ARID1A: variants seen among roughly 807,000 people sequenced by gnomAD.
The protein encoded by ARID1A is AT-rich interactive domain-containing protein 1A.
A neutral mutation model predicts 212.6 loss-of-function variants in ARID1A; 20 were observed. The ratio of observed to expected loss-of-function variants is 0.09; its 90% CI spans 0.07 to 0.14. ARID1A has a LOEUF of 0.14. Ranked by LOEUF, ARID1A falls within the 10% of genes least tolerant of loss-of-function variation. ARID1A has a pLI of 1.00. For synonymous variants in ARID1A, 1,376 were observed against 1,222.1 expected (o/e 1.13, Z -2.63); for missense variants, 2,587 against 3,059.0 (o/e 0.85, Z 3.64).
Position 26,779,586 on chromosome 1 carries a change from G to C in ARID1A, c.5688G>C (p.Gly1896=), listed in dbSNP as rs1557620306. Residue 1896 remains glycine, a synonymous_variant, in exon 20 of 20, where the codon GGG becomes GGC. Coordinates refer to ENST00000324856, the MANE Select transcript of ARID1A (RefSeq NM_006015.6). The part of the protein sequence containing the change: ...EGTPGTTDQE[G]PPPDGPPEKR... ...CACCAGGGACAACAGACCAGGAGGGGCCCCCACCTGATGGACCTCCAGAAA... is the reference window on the plus strand; with the variant it reads ...CACCAGGGACAACAGACCAGGAGGGCCCCCCACCTGATGGACCTCCAGAAA... 1.2e-6 allele frequency: 2 copies of C among 1,614,040 alleles called. No individual in the cohort carries two copies. The highest frequency in any genetic ancestry group is 8.5e-7 in the Non-Finnish European group (1 of 1,180,008).
intron 4 of ARID1A, among the ~76,000 whole-genome samples, chr1:26,735,173 T>C (rs1331987951): frequency 6.6e-6 from 1 of 151,602 alleles, no homozygotes; most frequent in African/African-American, 2.4e-5. Context: ...TTGCCCAGGC[T>C]GGAGTGCAAT....
chr1:26,748,925 G>A (rs899533651), intron 4 of ARID1A, among the ~76,000 whole-genome samples: 9 of 152,040 alleles, frequency 5.9e-5, no homozygotes, highest in African/African-American at 2.2e-4. Flanking sequence ...AGCACTTTGG[G>A]AGGCCGAGGC....
intron 8 of ARID1A, 90 bp downstream of exon 8, chr1:26,763,375 G>A (rs1027022543): frequency 7.2e-7 from 1 of 1,389,052 alleles, no homozygotes; most frequent in Non-Finnish European, 9.6e-7. Context: ...ACCTAAACCA[G>A]GGGGGGAAAA....
chr1:26,776,279 C>CTTT, intron 19 of ARID1A, among the ~76,000 whole-genome samples: 1 of 136,222 alleles, frequency 7.3e-6, no homozygotes, highest in East Asian at 2.1e-4. Context: ...TAACAATATT[C>CTTT]TTTTTTTTTT....
intron 11 of ARID1A, chr1:26,769,147 G>T (rs2081063529): frequency 6.6e-6 from 1 of 152,198 alleles, no homozygotes; most frequent in African/African-American, 2.4e-5. Context: ...CTGATACTCA[G>T]ATCTCATAGT....
chr1:26,751,012 T>C (rs528198678), intron 4 of ARID1A, among the ~76,000 whole-genome samples: 1 of 151,968 alleles, frequency 6.6e-6, no homozygotes, highest in African/African-American at 2.4e-5. Flanking sequence ...CCCAGCACTT[T>C]GGGAGGCCGA....
chr1:26,775,644 A>G lies in ARID1A; in HGVS notation c.5061A>G (p.Ala1687=), dbSNP rs577286634. 1.3e-5 allele frequency: 21 copies of G among 1,614,208 alleles called. No homozygotes were observed. In the Admixed American group the frequency reaches 3.5e-4, roughly 27 times the overall value. Residue 1687 remains alanine (A), a synonymous_variant, in exon 19 of 20, where the codon GCA becomes GCG. Coordinates refer to ENST00000324856, the MANE Select transcript of ARID1A (RefSeq NM_006015.6). ...KSGLLAESTW[A]LDTINILLYD... ...GTCTCCTGGCAGAGAGCACATGGGCATTAGATACCATCAACATCCTGCTGT... is the reference window on the plus strand; with the variant it reads ...GTCTCCTGGCAGAGAGCACATGGGCGTTAGATACCATCAACATCCTGCTGT...
At chr1:26,757,574 T>C (rs2080953354) in intron 4 of ARID1A, among the ~76,000 whole-genome samples, 1 of 152,204 alleles carries the variant, frequency 6.6e-6, no homozygotes, top group African/African-American at 2.4e-5. Flanking sequence ...TGGGGAACTT[T>C]GGTGTCGGAG....
chr1:26,739,022 G>A (rs2080761829), intron 4 of ARID1A, among the ~76,000 whole-genome samples: 1 of 151,752 alleles, frequency 6.6e-6, no homozygotes, highest in African/African-American at 2.4e-5. Context: ...TAGTAGCTGG[G>A]ATTACGGGCA....
intron 4 of ARID1A, among the ~76,000 whole-genome samples, chr1:26,739,506 A>AG (rs2080767218): frequency 3.3e-5 from 5 of 152,244 alleles, no homozygotes; most frequent in Admixed American, 2.6e-4. Context: ...CTTTAAGGGA[A>AG]GGAAAAAAAA....
intron 1 of ARID1A, among the ~76,000 whole-genome samples, chr1:26,712,401 T>TA (rs1337348869): frequency 6.6e-6 from 1 of 152,010 alleles, no homozygotes; most frequent in Non-Finnish European, 1.5e-5. Context: ...ACCCTGTAAG[T>TA]AGGCCGAGAG....
In ARID1A at chr1:26,763,203, T is replaced by TGTC; in HGVS notation, c.2651_2653dup (p.Cys884_Pro885insArg). 6.2e-7 allele frequency: 1 copy of TGTC among 1,614,238 alleles called. No homozygotes were observed. Among genetic ancestry groups the TGTC allele is most frequent in the Non-Finnish European group, 8.5e-7 (1 of 1,180,016 alleles). On this transcript the variant is annotated inframe_insertion, in exon 8 of 20. Coordinates refer to ENST00000324856, the MANE Select transcript of ARID1A (RefSeq NM_006015.6). ...GCCACCTCAGGTTGGGTCAGGGATG[T>TGTC]GTCCCCCACCAGGGGGCATGAACCG... is the stretch of plus-strand genomic sequence containing the variant.
chr1:26,777,687 C>G (rs2081149380), intron 19 of ARID1A, among the ~76,000 whole-genome samples: 1 of 152,048 alleles, frequency 6.6e-6, no homozygotes, highest in Admixed American at 6.5e-5. Flanking sequence ...AATCCCAGCA[C>G]TTCAGGAGGC....
At chr1:26,716,227 GAAAA>G (rs2080501879) in intron 1 of ARID1A, among the ~76,000 whole-genome samples, 1 of 148,110 alleles carries the variant, frequency 6.8e-6, no homozygotes, top group Admixed American at 6.7e-5. Flanking sequence ...AAAAGAAAAA[GAAAA>G]AAACCTGTGA....
chr1:26,761,044 C>A lies in ARID1A; in HGVS notation c.2109C>A (p.Pro703=), dbSNP rs200927747. 4.3e-6 allele frequency: 7 copies of A among 1,613,994 alleles called. No individual in the cohort carries two copies. In the Admixed American group the frequency reaches 1.2e-4, roughly 27 times the overall value. ...RGPSPSPVGS[P]ASVAQSRSGP... ...CTTCCCCGTCCCCTGTTGGCTCTCC[C>A]GCCAGTGTTGCTCAGTCTCGCTCAG... The change falls in exon 5 of 20, where the codon CCC becomes CCA. Residue 703 remains proline, a synonymous_variant. Coordinates refer to ENST00000324856, the MANE Select transcript of ARID1A (RefSeq NM_006015.6).
chr1:26,778,721 A>C (rs1422340154), intron 19 of ARID1A: 1 of 261,974 alleles, frequency 3.8e-6, no homozygotes, highest in Non-Finnish European at 7.2e-6. Context: ...AGAAAAGCAG[A>C]AGATTAATTG....
At chr1:26,709,366 C>T (rs2080427190) in intron 1 of ARID1A, among the ~76,000 whole-genome samples, 1 of 152,134 alleles carries the variant, frequency 6.6e-6, no homozygotes, top group South Asian at 2.1e-4. Flanking sequence ...CACCAATCTA[C>T]CTCACATTCT....
rs118006496 is a variant in ARID1A, at chr1:26,704,477, G to T, written c.1137+6937G>T. 5.9e-3 allele frequency among the ~76,000 whole-genome samples: 901 copies of T among 152,284 alleles called. 25 individuals are homozygous for T. The highest frequency in any genetic ancestry group is 0.04 in the Admixed American group (618 of 15,292). ...CTGGGAGCTGTGTTCAAGTCAAGTT[G>T]CTTGTGTTAGACCTTATATTGAGGT... is the stretch of plus-strand genomic sequence containing the variant. On this transcript the variant is annotated intron_variant, in intron 1 of 19. Transcript: ENST00000324856.
chr1:26,707,740 C>T (rs1308880921), intron 1 of ARID1A, among the ~76,000 whole-genome samples: 2 of 152,112 alleles, frequency 1.3e-5, no homozygotes, highest in Non-Finnish European at 2.9e-5. Context: ...CTAATTTAAT[C>T]TTCAAAACTG....
Sources: allele counts gnomAD v4.1 joint callset (sites outside exome capture counted in the v4.1 genomes callset), GRCh38; gene constraint gnomAD v4.1.1; transcripts MANE v1.5; gene names NCBI Gene and HGNC (gene_info 2026-07-23, HGNC 2026-07-21).